The following PTPRD variants were observed in gnomAD, a reference collection of about 807,000 sequenced individuals.
PTPRD encodes receptor-type tyrosine-protein phosphatase delta.
PTPRD carries 34 observed loss-of-function variants against 214.5 expected under a neutral mutation model. The ratio of observed to expected loss-of-function variants is 0.16; its 90% CI spans 0.12 to 0.21. PTPRD has a LOEUF of 0.21. Ranked by LOEUF, PTPRD falls within the 10% of genes least tolerant of loss-of-function variation. The pLI, the probability that PTPRD is intolerant of heterozygous loss-of-function variation, is 1.00. For synonymous variants in PTPRD, 1,128 were observed against 845.7 expected, an observed-to-expected ratio of 1.33 and a Z score of -5.79; for missense variants, 2,545 against 2,398.7, an observed-to-expected ratio of 1.06 and a Z score of -1.27.
intron 7 of PTPRD, among the ~76,000 whole-genome samples, chr9:9,582,878 G>A (rs182934177): frequency 9.2e-5 from 14 of 152,026 alleles, no homozygotes; most frequent in African/African-American, 3.1e-4. Context: ...CTGGAAAGAA[G>A]ATAAAGTCTA....
chr9:8,482,019 G>A (rs1176744263), intron 30 of PTPRD, among the ~76,000 whole-genome samples: 2 of 152,130 alleles, frequency 1.3e-5, no homozygotes, highest in African/African-American at 2.4e-5. Context: ...CTGACCTTGT[G>A]ATCTGCCCGC....
At chr9:8,481,921 T>C (rs1216278787) in intron 30 of PTPRD, among the ~76,000 whole-genome samples, 1 of 152,174 alleles carries the variant, frequency 6.6e-6, no homozygotes, top group Non-Finnish European at 1.5e-5. Context: ...TAGCTGGGAT[T>C]ACAGGCATGC....
intron 9 of PTPRD, among the ~76,000 whole-genome samples, chr9:9,299,606 T>C (rs373807332): frequency 1.3e-5 from 2 of 151,770 alleles, no homozygotes; most frequent in East Asian, 3.9e-4. Flanking sequence ...TTTTGAAAGG[T>C]CATATGTGCA....
intron 7 of PTPRD, among the ~76,000 whole-genome samples, chr9:9,705,246 G>T (rs2097577046): frequency 6.6e-6 from 1 of 152,118 alleles, no homozygotes; most frequent in African/African-American, 2.4e-5. Flanking sequence ...GTTTTGTGGT[G>T]CTGAATTACT....
chr9:10,028,318 C>T (rs2096971293), intron 4 of PTPRD, among the ~76,000 whole-genome samples: 1 of 152,026 alleles, frequency 6.6e-6, no homozygotes, highest in African/African-American at 2.4e-5. Context: ...TCTTTATCAC[C>T]AGTGTGAAAA....
intron 9 of PTPRD, among the ~76,000 whole-genome samples, chr9:9,336,361 G>C (rs1595970673): frequency 6.6e-6 from 1 of 152,212 alleles, no homozygotes; most frequent in South Asian, 2.1e-4. Context: ...AGAATGTTGT[G>C]CTATCAACTT....
At chr9:10,332,257 T>A (rs920380295) in intron 3 of PTPRD, among the ~76,000 whole-genome samples, 1 of 151,846 alleles carries the variant, frequency 6.6e-6, no homozygotes, top group African/African-American at 2.4e-5. Flanking sequence ...CCATGAGAGA[T>A]GTCAGGAGTC....
chr9:8,708,346 T>C (rs1376016269), intron 12 of PTPRD, among the ~76,000 whole-genome samples: 2 of 152,102 alleles, frequency 1.3e-5, no homozygotes, highest in African/African-American at 2.4e-5. Flanking sequence ...ACAGCCATTA[T>C]AGAAAACAGT....
intron 5 of PTPRD, among the ~76,000 whole-genome samples, chr9:9,792,075 A>C (rs552770450): frequency 6.6e-6 from 1 of 152,088 alleles, no homozygotes; most frequent in South Asian, 2.1e-4. Context: ...ATTAAAAAAA[A>C]TGTTTTATCC....
chr9:10,017,867 A>G (rs1379270064), intron 4 of PTPRD, among the ~76,000 whole-genome samples: 1 of 152,110 alleles, frequency 6.6e-6, no homozygotes, highest in East Asian at 1.9e-4. Context: ...ATTGTAACCA[A>G]CACTCAAATG....
At chr9:9,230,886 C>A (rs2099962691) in intron 9 of PTPRD, among the ~76,000 whole-genome samples, 1 of 152,094 alleles carries the variant, frequency 6.6e-6, no homozygotes. Flanking sequence ...CAACCCACTG[C>A]CAAACAATTA....
intron 3 of PTPRD, among the ~76,000 whole-genome samples, chr9:10,090,630 T>C (rs2098417696): frequency 1.4e-5 from 2 of 145,218 alleles, no homozygotes; most frequent in South Asian, 4.4e-4. Flanking sequence ...TATACATAAA[T>C]AAAAAAACCA....
chr9:9,947,855 A>T (rs1004573402), intron 4 of PTPRD, among the ~76,000 whole-genome samples: 1 of 150,702 alleles, frequency 6.6e-6, no homozygotes. Flanking sequence ...TAAATCAGCC[A>T]TCCCTGACAG....
intron 11 of PTPRD, among the ~76,000 whole-genome samples, chr9:8,992,901 T>C (rs192127838): frequency 6.6e-6 from 1 of 152,248 alleles, no homozygotes; most frequent in Non-Finnish European, 1.5e-5. Context: ...CATGCCAGCA[T>C]TCCTATAAAT....
At chr9:8,797,508 C>T (rs1320936909) in intron 11 of PTPRD, among the ~76,000 whole-genome samples, 1 of 152,156 alleles carries the variant, frequency 6.6e-6, no homozygotes, top group African/African-American at 2.4e-5. Context: ...TCTTTCTGCA[C>T]CATCACACAC....
intron 3 of PTPRD, among the ~76,000 whole-genome samples, chr9:10,284,628 T>G (rs10959018): frequency 0.085 from 12,968 of 152,244 alleles, 869 homozygotes; most frequent in East Asian, 0.19. Context: ...AGTTGGTTTC[T>G]TTGTTCAGGT....
At chr9:9,108,498 G>T (rs1445485203) in intron 10 of PTPRD, among the ~76,000 whole-genome samples, 1 of 152,084 alleles carries the variant, frequency 6.6e-6, no homozygotes, top group African/African-American at 2.4e-5. Context: ...GTCCACCCAA[G>T]GTTGAGGGAC....
At chr9:10,059,429 G>T (rs2097716642) in intron 3 of PTPRD, among the ~76,000 whole-genome samples, 1 of 152,078 alleles carries the variant, frequency 6.6e-6, no homozygotes, top group Non-Finnish European at 1.5e-5. Context: ...CAAGGCAGTT[G>T]CTGGTACTAA....
intron 5 of PTPRD, among the ~76,000 whole-genome samples, chr9:9,783,819 G>A (rs992380222): frequency 7.3e-6 from 1 of 137,472 alleles, no homozygotes; most frequent in African/African-American, 2.7e-5. Context: ...CTCCTGCTTC[G>A]TTTTTTTTTT....
Sources: allele counts gnomAD v4.1 joint callset (sites outside exome capture counted in the v4.1 genomes callset), GRCh38; gene constraint gnomAD v4.1.1; transcripts MANE v1.5; gene names NCBI Gene and HGNC (gene_info 2026-07-23, HGNC 2026-07-21).